Variants in TFPI observed in about 807,000 individuals in gnomAD.
TFPI encodes anti-convertin.
TFPI carries 15 observed loss-of-function variants against 34.6 expected under a neutral mutation model. That is an observed-to-expected ratio of 0.43 (90% confidence interval 0.29 to 0.67). The LOEUF is 0.67. TFPI is among the 30% of genes least tolerant of loss of function. TFPI has a pLI of 0.15. For synonymous variants in TFPI, 105 were observed against 120.1 expected (o/e 0.87, Z 0.82); for missense variants, 301 against 364.0 (o/e 0.83, Z 1.41).
intron 4 of TFPI, among the ~76,000 whole-genome samples, chr2:187,485,471 A>G (rs1298268330): frequency 2.0e-5 from 3 of 151,702 alleles, no homozygotes; most frequent in African/African-American, 7.2e-5. Flanking sequence ...AGGGGTAGGA[A>G]GTTTTCATGG....
chr2:187,484,725 A>T (rs1693133949), intron 5 of TFPI, 86 bp downstream of exon 5: 4 of 1,260,832 alleles, frequency 3.2e-6, no homozygotes, highest in Non-Finnish European at 4.3e-6. Flanking sequence ...CTCAAACAAA[A>T]CCTGAGTATA....
At chr2:187,490,942 C>T (rs1685084307) in intron 3 of TFPI, among the ~76,000 whole-genome samples, 1 of 151,620 alleles carries the variant, frequency 6.6e-6, no homozygotes, top group Non-Finnish European at 1.5e-5. Context: ...TAATCCATTA[C>T]AGTCTAGTGC....
chr2:187,525,496 T>C (rs1444691487), intron 1 of TFPI, among the ~76,000 whole-genome samples: 2 of 152,092 alleles, frequency 1.3e-5, no homozygotes, highest in African/African-American at 2.4e-5. Flanking sequence ...CTTTCTTTTT[T>C]AAGTTCGTTT....
At chr2:187,468,569 A>G (rs1356894504) in intron 6 of TFPI, among the ~76,000 whole-genome samples, 1 of 152,068 alleles carries the variant, frequency 6.6e-6, no homozygotes, top group African/African-American at 2.4e-5. Context: ...GTTCTAGATG[A>G]GTTAAATGTT....
At chr2:187,550,390 A>G (rs890214761) in intron 1 of TFPI, among the ~76,000 whole-genome samples, 2 of 152,154 alleles carry the variant, frequency 1.3e-5, no homozygotes, top group Non-Finnish European at 2.9e-5. Flanking sequence ...TAACCATAGA[A>G]TAAACAATTC....
chr2:187,467,692 C>G, intron 7 of TFPI, 61 bp downstream of exon 7: 1 of 1,354,542 alleles, frequency 7.4e-7, no homozygotes, highest in South Asian at 2.0e-5. Context: ...AATAGATTAT[C>G]ATTTCAATTC....
intron 6 of TFPI, 94 bp from the exon 7 acceptor site, chr2:187,468,026 G>T: frequency 1.9e-6 from 2 of 1,077,412 alleles, no homozygotes; most frequent in Non-Finnish European, 1.2e-6. Flanking sequence ...GTTGTTGCAT[G>T]TGTATGTAAA....
chr2:187,532,685 T>G (rs1469646029), intron 1 of TFPI, among the ~76,000 whole-genome samples: 1 of 148,352 alleles, frequency 6.7e-6, no homozygotes, highest in Non-Finnish European at 1.5e-5. Context: ...GCTGCGGGAG[T>G]TTTTTTTTTC....
At chr2:187,522,931 T>TA (rs1687484373) in intron 1 of TFPI, among the ~76,000 whole-genome samples, 1 of 130,788 alleles carries the variant, frequency 7.6e-6, no homozygotes, top group African/African-American at 2.8e-5. Flanking sequence ...AATAAATAAA[T>TA]AATAAAAAAC....
At chr2:187,541,730 A>C (rs1392133824) in intron 1 of TFPI, among the ~76,000 whole-genome samples, 4 of 152,186 alleles carry the variant, frequency 2.6e-5, no homozygotes, top group Admixed American at 2.0e-4. Flanking sequence ...AGTGACTATG[A>C]GGTGACTGTG....
chr2:187,529,259 T>C (rs567062017), intron 1 of TFPI: 1 of 152,296 alleles, frequency 6.6e-6, no homozygotes, highest in Non-Finnish European at 1.5e-5. Flanking sequence ...AAGAATACAA[T>C]TGATTCTGTG....
At chr2:187,552,325 T>C (rs919858163) in intron 1 of TFPI, among the ~76,000 whole-genome samples, 1 of 152,044 alleles carries the variant, frequency 6.6e-6, no homozygotes, top group Admixed American at 6.6e-5. Context: ...TTTTTCTCCA[T>C]TAGTTTGCCA....
chr2:187,486,458 T>C (rs1396240686), intron 4 of TFPI, among the ~76,000 whole-genome samples: 5 of 151,576 alleles, frequency 3.3e-5, no homozygotes, highest in African/African-American at 1.2e-4. Flanking sequence ...ATTATACATG[T>C]ACATAAATAT....
chr2:187,525,064 G>C (rs1687608002), intron 1 of TFPI, among the ~76,000 whole-genome samples: 1 of 151,994 alleles, frequency 6.6e-6, no homozygotes, highest in Non-Finnish European at 1.5e-5. Context: ...AATCTACTAA[G>C]AGAGGACACA....
chr2:187,519,711 G>A (rs1486339611), intron 1 of TFPI: 1 of 152,322 alleles, frequency 6.6e-6, no homozygotes, highest in African/African-American at 2.4e-5. Flanking sequence ...GAGCTGGCAG[G>A]CAGGTACATT....
chr2:187,479,847 A>C (rs559701038), intron 6 of TFPI, among the ~76,000 whole-genome samples: 1 of 151,922 alleles, frequency 6.6e-6, no homozygotes, highest in East Asian at 1.9e-4. Context: ...AACATTTCAT[A>C]AAAAGCAATG....
intron 1 of TFPI, among the ~76,000 whole-genome samples, chr2:187,528,939 G>C (rs777289687): frequency 1.3e-5 from 2 of 151,872 alleles, no homozygotes; most frequent in Non-Finnish European, 2.9e-5. Flanking sequence ...TTATAAAAAT[G>C]GTAAGAATTT....
chr2:187,484,168 T>G lies in TFPI; in HGVS notation c.584A>C (p.Asn195Thr), dbSNP rs1387745873. 1 of 1,612,386 alleles carries G rather than the reference T, an allele frequency of 6.2e-7. No individual in the cohort carries two copies. The highest frequency in any genetic ancestry group is 1.3e-5 in the African/African-American group (1 of 74,826). Residue 195 changes from asparagine (N) to threonine (T), a missense_variant, in exon 6 of 8, where the codon AAT (asparagine) becomes ACT (threonine). Physicochemically the swap from Asn to Thr is moderately conservative, Grantham distance 65. Coordinates refer to ENST00000233156, the MANE Select transcript of TFPI (RefSeq NM_006287.6). ...DNYGTQLNAV[N>T]NSLTPQSTKV... Reference sequence around the variant, plus strand: ...GGTTGATTGCGGAGTCAGGGAGTTATTCACAGCATTGAGCTGGGTTCCATA... The same window carrying G: ...GGTTGATTGCGGAGTCAGGGAGTTAGTCACAGCATTGAGCTGGGTTCCATA...
At chr2:187,503,795 C>A (rs767241177) in intron 1 of TFPI, 25 bp from the exon 2 acceptor site, 1 of 1,607,714 alleles carries the variant, frequency 6.2e-7, no homozygotes, top group East Asian at 2.2e-5. Flanking sequence ...CCATACATAT[C>A]TAATAAATAA....
Sources: gnomAD v4.1 joint callset for allele counts (sites outside exome capture counted in the v4.1 genomes callset) on GRCh38, gnomAD v4.1.1 for gene constraint, MANE v1.5 for transcripts, NCBI Gene and HGNC (gene_info 2026-07-23, HGNC 2026-07-21) for gene names.